The following FN1 variants were observed in gnomAD, a reference collection of about 807,000 sequenced individuals.
FN1 encodes the protein fibronectin 1.
Under a neutral mutation model 297.3 loss-of-function variants are expected in FN1, and 106 were observed. That is an observed-to-expected ratio of 0.36 (90% confidence interval 0.30 to 0.42). The LOEUF is 0.42. Among genes scored for constraint, FN1 ranks in the 10% least tolerant of loss-of-function variants. The probability of loss-of-function intolerance (pLI) is 1.00; values close to 1 mark genes in which losing one functional copy is unlikely to be tolerated. For synonymous variants in FN1, 1,149 were observed against 1,152.6 expected, an observed-to-expected ratio of 1.00 and a Z score of 0.06; for missense variants, 2,690 against 3,124.9, an observed-to-expected ratio of 0.86 and a Z score of 3.32.
At chr2:215,365,691 G>A in intron 42 of FN1, 61 bp from the exon 43 acceptor site, 2 of 1,556,404 alleles carry the variant, frequency 1.3e-6, no homozygotes, top group Non-Finnish European at 1.8e-6. Flanking sequence ...TCACAAGACA[G>A]TAGGTGAACT....
At chr2:215,368,059 G>A in intron 41 of FN1, 32 bp from the exon 42 acceptor site, 1 of 1,610,814 alleles carries the variant, frequency 6.2e-7, no homozygotes, top group Non-Finnish European at 8.5e-7. Context: ...AGCAAAAAGA[G>A]ACATCTTATT....
At position 215,394,434 on chromosome 2, in the gene FN1, T is replaced by C. The variant is rs2060066240; in HGVS notation, c.3796+94A>G. 9 of 1,092,256 alleles carry C rather than the reference T, an allele frequency of 8.2e-6. No individual in the cohort carries two copies. The South Asian group carries it at 1.0e-4, about 12-fold the overall frequency. The allele number at this position is 1,092,256 out of a possible 1,614,324, so 67.7% of individuals were successfully genotyped here. On this transcript the variant is annotated intron_variant, in intron 24 of 45. Coordinates refer to ENST00000354785, the MANE Select transcript of FN1 (RefSeq NM_212482.4). ...GGAGATCGGAATTAAATCCCAAATA[T>C]AGTTGACACCCTTAAGCATCTGGGG...
chr2:215,390,328 G>A (rs773766440), intron 26 of FN1, among the ~76,000 whole-genome samples: 5 of 152,074 alleles, frequency 3.3e-5, no homozygotes, highest in Non-Finnish European at 5.9e-5. Flanking sequence ...GAGACCACAG[G>A]TGTGCACCAC....
At chr2:215,415,876 T>C (rs1056301418) in intron 12 of FN1, among the ~76,000 whole-genome samples, 1 of 152,144 alleles carries the variant, frequency 6.6e-6, no homozygotes, top group South Asian at 2.1e-4. Flanking sequence ...AACTATCTTT[T>C]CTTAAAACAC....
At chr2:215,371,007 T>C (rs11889491) in intron 40 of FN1, among the ~76,000 whole-genome samples, 11 of 152,190 alleles carry the variant, frequency 7.2e-5, no homozygotes, top group East Asian at 3.9e-4. Context: ...GGGTGGCTCA[T>C]GCTTGTAGTC....
intron 23 of FN1, among the ~76,000 whole-genome samples, chr2:215,395,647 A>G (rs1179241899): frequency 1.6e-4 from 25 of 152,198 alleles, no homozygotes; most frequent in Admixed American, 1.6e-3. Flanking sequence ...GAGACATTCA[A>G]ATAAAAACAG....
intron 23 of FN1, among the ~76,000 whole-genome samples, chr2:215,395,552 C>A (rs905618235): frequency 2.2e-4 from 32 of 142,702 alleles, no homozygotes; most frequent in African/African-American, 5.8e-4. Flanking sequence ...AAAAAAAAAA[C>A]AAAACAAACA....
intron 20 of FN1, 66 bp downstream of exon 20, chr2:215,404,323 G>C (rs56380797): frequency 1.1e-5 from 16 of 1,404,784 alleles, no homozygotes; most frequent in Non-Finnish European, 1.4e-5. Context: ...GTTTTGTTTT[G>C]TTTTAAAGCA....
rs184640734 is a variant in FN1 at position 215,383,815 on chromosome 2, G to A, written c.4894+205C>T. On this transcript the variant is annotated intron_variant, in intron 30 of 45. Coordinates refer to ENST00000354785, the MANE Select transcript of FN1 (RefSeq NM_212482.4). ...GTATTGCAGACATGCGGAATATATC[G>A]ACAAAACTGACTGAACTTCCTGCCC... Among the ~76,000 whole-genome samples, 20 of 152,188 alleles carry A rather than the reference G, an allele frequency of 1.3e-4. No individual in the cohort carries two copies. In the East Asian group the frequency reaches 3.5e-3, roughly 26 times the overall value.
chr2:215,388,626 G>A (rs1489595670), intron 26 of FN1, among the ~76,000 whole-genome samples: 1 of 152,180 alleles, frequency 6.6e-6, no homozygotes, highest in Non-Finnish European at 1.5e-5. Flanking sequence ...TGTCTCTGGA[G>A]GGCACATGAT....
At chr2:215,398,708 T>G (rs1015682892) in intron 21 of FN1, among the ~76,000 whole-genome samples, 1 of 152,228 alleles carries the variant, frequency 6.6e-6, no homozygotes, top group Admixed American at 6.5e-5. Context: ...CATATTCATT[T>G]GTATTCACCG....
At chr2:215,424,940 G>T (rs968455561) in intron 7 of FN1, among the ~76,000 whole-genome samples, 154 bp downstream of exon 7, 1 of 152,198 alleles carries the variant, frequency 6.6e-6, no homozygotes, top group Non-Finnish European at 1.5e-5. Flanking sequence ...AAGATTGGAA[G>T]AAACTATTTC....
chr2:215,397,298 A>C (rs1575531846), intron 22 of FN1, 75 bp from the exon 23 acceptor site: 1 of 1,028,062 alleles, frequency 9.7e-7, no homozygotes, highest in Admixed American at 1.7e-5. Flanking sequence ...CTCCTTCCCT[A>C]CCTCCCTCTC....
intron 25 of FN1, 160 bp from the exon 26 acceptor site, chr2:215,391,974 CT>C: frequency 1.5e-6 from 1 of 680,198 alleles, no homozygotes; most frequent in Admixed American, 2.3e-5. Context: ...TAGTGTACTA[CT>C]GTTAAAAATA....
intron 45 of FN1, 39 bp downstream of exon 45, chr2:215,361,930 T>C: frequency 6.2e-7 from 1 of 1,609,410 alleles, no homozygotes; most frequent in Non-Finnish European, 8.5e-7. Flanking sequence ...AGAGACTGTC[T>C]AGTATGAGGG....
chr2:215,423,115 G>A (rs185456209), intron 9 of FN1, among the ~76,000 whole-genome samples: 319 of 151,836 alleles, frequency 2.1e-3, no homozygotes, highest in African/African-American at 6.0e-3. Context: ...ATGTCAATGA[G>A]GTTTAAAAAT....
Position 215,366,811 on chromosome 2 carries a change from A to AGTT in FN1, c.7018+1051_7018+1052insAAC, listed in dbSNP as rs1191001017. Among the ~76,000 whole-genome samples the AGTT allele has an allele frequency of 8.5e-3, 1,290 of 152,374 alleles. 20 individuals are homozygous for AGTT. The highest frequency in any genetic ancestry group is 0.03 in the African/African-American group (1,247 of 41,590). On this transcript the variant is annotated intron_variant, in intron 42 of 45. Transcript: ENST00000354785. ...TTGCACCTAAGTGCTCAAACAGGTA[A>AGTT]TAAACATACAAACTTAAACGTAGTT...
intron 12 of FN1, among the ~76,000 whole-genome samples, chr2:215,418,649 T>C (rs961917413): frequency 6.6e-6 from 1 of 152,202 alleles, no homozygotes; most frequent in Admixed American, 6.5e-5. Flanking sequence ...CAGCTAGGCA[T>C]GATGTCTTTG....
chr2:215,373,518 T>C (rs2056654831), intron 38 of FN1, 107 bp from the exon 39 acceptor site: 1 of 872,336 alleles, frequency 1.1e-6, no homozygotes, highest in South Asian at 1.3e-5. Context: ...CCTCTCCAGC[T>C]GGCTGTTGGC....
Sources: allele counts gnomAD v4.1 joint callset (sites outside exome capture counted in the v4.1 genomes callset), GRCh38; gene constraint gnomAD v4.1.1; transcripts MANE v1.5; gene names NCBI Gene and HGNC (gene_info 2026-07-23, HGNC 2026-07-21).